PPP2CA: variants seen among roughly 807,000 people sequenced by gnomAD.
PPP2CA encodes the protein serine/threonine-protein phosphatase 2A catalytic subunit alpha isoform.
PPP2CA carries 5 observed loss-of-function variants against 38.8 expected under a neutral mutation model. The ratio of observed to expected loss-of-function variants is 0.13; its 90% CI spans 0.07 to 0.27. PPP2CA has a LOEUF of 0.27. PPP2CA is among the 10% of genes least tolerant of loss of function. PPP2CA has a pLI of 1.00. For synonymous variants in PPP2CA, 152 were observed against 134.0 expected (o/e 1.13, Z -0.93); for missense variants, 88 against 389.7 (o/e 0.23, Z 6.52).
In PPP2CA at chr5:134,196,596, T is replaced by A. The variant is rs895894044; in HGVS notation, c.*1176A>T. 3 of 152,214 alleles carry A rather than the reference T, an allele frequency of 2.0e-5. No individual in the cohort carries two copies. Among genetic ancestry groups the A allele is most frequent in the African/African-American group, 7.2e-5 (3 of 41,446 alleles). The allele number at this position is 152,214 out of a possible 1,614,324, so 9.4% of individuals were successfully genotyped here. A position where few individuals can be genotyped will look rare whatever the true frequency, so the allele number is the denominator to read the frequency against. The stretch of plus-strand genomic sequence containing the variant: ...AGACAAATTTAACTCTAAGAACATA[T>A]GACTCAACAATGTACAAAGATTTAA... On this transcript the variant is annotated 3_prime_UTR_variant, in exon 7 of 7. Coordinates refer to ENST00000481195, the MANE Select transcript of PPP2CA (RefSeq NM_002715.4).
At chr5:134,223,185 CTAT>C (rs1238244733) in intron 1 of PPP2CA, among the ~76,000 whole-genome samples, 15 of 152,076 alleles carry the variant, frequency 9.9e-5, no homozygotes, top group South Asian at 2.1e-4. Flanking sequence ...TCAAAAAATA[CTAT>C]TATTATACAC....
chr5:134,206,962 G>A (rs1231175090), intron 1 of PPP2CA, among the ~76,000 whole-genome samples: 1 of 152,202 alleles, frequency 6.6e-6, no homozygotes, highest in Non-Finnish European at 1.5e-5. Context: ...GTGTCACAAA[G>A]GAAAGGGAGA....
chr5:134,223,023 TAACAA>T (rs915983628), intron 1 of PPP2CA, among the ~76,000 whole-genome samples: 65 of 152,198 alleles, frequency 4.3e-4, no homozygotes, highest in African/African-American at 1.5e-3. Flanking sequence ...GATTTTTTAG[TAACAA>T]TGACCTCTTA....
intron 1 of PPP2CA, among the ~76,000 whole-genome samples, chr5:134,214,306 A>G (rs1335830235): frequency 1.3e-5 from 2 of 152,200 alleles, no homozygotes; most frequent in African/African-American, 4.8e-5. Context: ...TTTGTGTCCT[A>G]AAGTTTCATA....
Position 134,195,405 on chromosome 5 carries a change from G to A in PPP2CA, c.*2367C>T, listed in dbSNP as rs1761826720. On this transcript the variant is annotated 3_prime_UTR_variant, in exon 7 of 7. Transcript: ENST00000481195. ...AGCTGGGACTATGGTATGCCACCAA[G>A]CCCGGCTGATTTTCATATTTTTTGT... 6.6e-6 allele frequency: 1 copy of A among 152,094 alleles called. No homozygotes were observed. The highest frequency in any genetic ancestry group is 1.5e-5 in the Non-Finnish European group (1 of 68,062). The allele number at this position is 152,094 out of a possible 1,614,324, so 9.4% of individuals were successfully genotyped here.
intron 1 of PPP2CA, among the ~76,000 whole-genome samples, chr5:134,218,928 C>T (rs1762381322): frequency 6.6e-6 from 1 of 152,206 alleles, no homozygotes; most frequent in South Asian, 2.1e-4. Context: ...CTCAGCCTCC[C>T]AAAGTGCTGG....
chr5:134,209,624 A>C (rs1305082430), intron 1 of PPP2CA, among the ~76,000 whole-genome samples: 1 of 152,146 alleles, frequency 6.6e-6, no homozygotes, highest in African/African-American at 2.4e-5. Context: ...TACTAAAAAC[A>C]CAAAACAGCT....
intron 2 of PPP2CA, 183 bp downstream of exon 2, chr5:134,205,739 G>A (rs1412494189): frequency 3.6e-6 from 2 of 560,984 alleles, no homozygotes; most frequent in African/African-American, 3.8e-5. Flanking sequence ...TTTTGATTCT[G>A]TACCATCCCC....
rs1352981967 is a variant in PPP2CA, at chr5:134,202,028, CAAT to C, written c.313-10_313-8del. 3 of 1,565,544 alleles carry C rather than the reference CAAT, an allele frequency of 1.9e-6. No homozygotes were observed. The African/African-American group carries it at 4.2e-5, about 22-fold the overall frequency. ...TGCGTTCACGGTAACGAACCTAAAA[CAAT>C]AAAATGCAAAACATAAACAACTAGC... On this transcript the variant is annotated splice_polypyrimidine_tract_variant and splice_region_variant and intron_variant, in intron 2 of 6. Transcript: ENST00000481195.
intron 1 of PPP2CA, among the ~76,000 whole-genome samples, chr5:134,207,914 T>C (rs1476972648): frequency 1.3e-5 from 2 of 152,214 alleles, no homozygotes; most frequent in Non-Finnish European, 2.9e-5. Context: ...GAAATTTTTC[T>C]CTGCAGGGTA....
At chr5:134,205,313 T>C (rs1463490459) in intron 2 of PPP2CA, among the ~76,000 whole-genome samples, 1 of 152,090 alleles carries the variant, frequency 6.6e-6, no homozygotes, top group Admixed American at 6.6e-5. Context: ...ACAAATCTAA[T>C]TATATTACCT....
intron 2 of PPP2CA, among the ~76,000 whole-genome samples, chr5:134,204,277 T>C (rs921968730): frequency 6.6e-5 from 10 of 152,222 alleles, no homozygotes; most frequent in Non-Finnish European, 1.2e-4. Flanking sequence ...CCCAAGATTT[T>C]TGGGTAAAGG....
chr5:134,211,745 G>C (rs1244255368), intron 1 of PPP2CA, among the ~76,000 whole-genome samples: 1 of 151,370 alleles, frequency 6.6e-6, no homozygotes, highest in African/African-American at 2.4e-5. Context: ...CCAAAGGCTG[G>C]GATTACAGGC....
chr5:134,202,269 G>T, intron 2 of PPP2CA: 1 of 385,866 alleles, frequency 2.6e-6, no homozygotes, highest in Non-Finnish European at 4.6e-6. Flanking sequence ...TAAATCAATG[G>T]GCTATTAAAA....
Position 134,212,554 on chromosome 5 carries a change from C to A in PPP2CA, c.103-6423G>T, listed in dbSNP as rs535768370. Among the ~76,000 whole-genome samples, 14 of 152,278 alleles carry A rather than the reference C, an allele frequency of 9.2e-5. 1 individual carries two copies. In the South Asian group the frequency reaches 2.9e-3, roughly 32 times the overall value. ...ATATTGAAATTAGGCCAATTAATAA[C>A]CCTACAATGGCCTCCAAATGCTCAA... is the stretch of plus-strand genomic sequence containing the variant. On this transcript the variant is annotated intron_variant, in intron 1 of 6. Coordinates refer to ENST00000481195, the MANE Select transcript of PPP2CA (RefSeq NM_002715.4).
chr5:134,218,649 G>A (rs1442183513), intron 1 of PPP2CA, among the ~76,000 whole-genome samples: 1 of 150,176 alleles, frequency 6.7e-6, no homozygotes, highest in East Asian at 1.9e-4. Flanking sequence ...AGATGAATTA[G>A]TCTAGATGGT....
In PPP2CA at chr5:134,201,084, G is replaced by C; in HGVS notation, c.487-10C>G. 1 of 1,601,912 alleles carries C rather than the reference G, an allele frequency of 6.2e-7. No individual in the cohort carries two copies. Reference sequence around the variant, plus strand: ...CATGTAGACAGAAGATCTGAAAAGAGTGGTTTAAAAGGTTAACCTCACCTA... The same window carrying C: ...CATGTAGACAGAAGATCTGAAAAGACTGGTTTAAAAGGTTAACCTCACCTA... On this transcript the variant is annotated splice_polypyrimidine_tract_variant and intron_variant, in intron 3 of 6. Transcript: ENST00000481195.
chr5:134,220,010 CA>C (rs10578851), intron 1 of PPP2CA, among the ~76,000 whole-genome samples: 3,629 of 103,366 alleles, frequency 0.035, 110 homozygotes, highest in African/African-American at 0.096. Context: ...GGCTCCGTAT[CA>C]AAAAAAAAAA....
intron 1 of PPP2CA, among the ~76,000 whole-genome samples, chr5:134,208,216 G>T (rs1423204139): frequency 6.6e-6 from 1 of 152,126 alleles, no homozygotes; most frequent in Non-Finnish European, 1.5e-5. Context: ...ATATACTTCT[G>T]TGAATATCTG....
Sources: gnomAD v4.1 joint callset for allele counts (sites outside exome capture counted in the v4.1 genomes callset) on GRCh38, gnomAD v4.1.1 for gene constraint, MANE v1.5 for transcripts, NCBI Gene and HGNC (gene_info 2026-07-23, HGNC 2026-07-21) for gene names.